Variants in ETS1 observed in about 807,000 individuals in gnomAD.
ETS1 encodes the protein protein C-ets-1.
A neutral mutation model predicts 58.6 loss-of-function variants in ETS1; 15 were observed. That is an observed-to-expected ratio of 0.26 (90% CI 0.17 to 0.39). The LOEUF (loss-of-function observed/expected upper bound fraction) is 0.39, where lower values mean the gene tolerates loss of function less well. Among genes scored for constraint, ETS1 ranks in the 10% least tolerant of loss-of-function variants. ETS1 has a pLI of 1.00. For synonymous variants in ETS1, 214 were observed against 218.2 expected (o/e 0.98, Z 0.17); for missense variants, 417 against 610.5 (o/e 0.68, Z 3.34).
intron 3 of ETS1, among the ~76,000 whole-genome samples, chr11:128,495,611 C>G (rs1565381066): frequency 6.6e-6 from 1 of 152,174 alleles, no homozygotes; most frequent in Admixed American, 6.5e-5. Context: ...TAAAGGCTTA[C>G]TGAAATATAT....
intron 1 of ETS1, among the ~76,000 whole-genome samples, chr11:128,577,677 C>T (rs1324216082): frequency 6.6e-6 from 1 of 152,204 alleles, no homozygotes; most frequent in Non-Finnish European, 1.5e-5. Flanking sequence ...GACTCCTGGT[C>T]TTCAGCCTCC....
At chr11:128,522,564 A>C (rs1029434033) in intron 3 of ETS1, 1 of 166,896 alleles carries the variant, frequency 6.0e-6, no homozygotes, top group African/African-American at 2.4e-5. Flanking sequence ...ACCGCGGAGG[A>C]GCAGTGCGTG....
intron 3 of ETS1, among the ~76,000 whole-genome samples, chr11:128,523,001 A>ATGAGCTTCCG (rs1162802781): frequency 1.4e-5 from 2 of 146,234 alleles, no homozygotes; most frequent in African/African-American, 4.9e-5. Context: ...GAACCCAGCC[A>ATGAGCTTCCG]TGAGCTTCCG....
At chr11:128,526,911 G>A in intron 3 of ETS1, 1 of 456,216 alleles carries the variant, frequency 2.2e-6, no homozygotes, top group South Asian at 1.5e-5. Context: ...GAGTGTGAGT[G>A]AGGAAATTAT....
chr11:128,558,649 C>CAAAAAAAAAAAAAAAAAAAAAAAAAAAAA, intron 2 of ETS1, among the ~76,000 whole-genome samples: 1 of 103,442 alleles, frequency 9.7e-6, no homozygotes, highest in Non-Finnish European at 2.0e-5. Context: ...ATATCCATCC[C>CAAAAAAAAAAAAAAAAAAAAAAAAAAAAA]AAAAAAAAAA....
chr11:128,556,782 T>C (rs1864319781), intron 2 of ETS1, among the ~76,000 whole-genome samples: 1 of 152,186 alleles, frequency 6.6e-6, no homozygotes, highest in African/African-American at 2.4e-5. Flanking sequence ...AATGGTACCT[T>C]ACTCTGTAAA....
In ETS1 at chr11:128,578,320, A is replaced by G. The variant is rs553312272; in HGVS notation, c.-14-5176T>C. Among the ~76,000 whole-genome samples, 17 of 152,240 alleles carry G rather than the reference A, an allele frequency of 1.1e-4. No individual in the cohort carries two copies. In the East Asian group the frequency reaches 3.3e-3, roughly 29 times the overall value. ...GAAATCCCAAAGAGACCAGGCTTGA[A>G]TCAAGGCTGAATCCAGTTCACATCA... is the stretch of plus-strand genomic sequence containing the variant. On this transcript the variant is annotated intron_variant, in intron 1 of 9. Transcript: ENST00000392668.
intron 7 of ETS1, 46 bp downstream of exon 7, chr11:128,484,777 T>C: frequency 1.3e-6 from 2 of 1,558,980 alleles, no homozygotes; most frequent in Non-Finnish European, 1.7e-6. Flanking sequence ...CAAAGTCAGG[T>C]AATTCTTGTA....
chr11:128,466,071 C>G (rs1475945662), intron 8 of ETS1, among the ~76,000 whole-genome samples: 2 of 152,206 alleles, frequency 1.3e-5, no homozygotes, highest in South Asian at 2.1e-4. Context: ...AACTCTCTCC[C>G]CTACTTCTCA....
At chr11:128,488,747 T>C (rs1250584574) in intron 5 of ETS1, among the ~76,000 whole-genome samples, 2 of 152,232 alleles carry the variant, frequency 1.3e-5, no homozygotes, top group Non-Finnish European at 1.5e-5. Flanking sequence ...CAACATAGCG[T>C]CCTGATATAA....
chr11:128,486,436 A>T (rs767536325), intron 5 of ETS1, among the ~76,000 whole-genome samples: 35 of 152,232 alleles, frequency 2.3e-4, no homozygotes, highest in Non-Finnish European at 3.8e-4. Context: ...TTCAGCATTC[A>T]TTCTCAATGC....
At position 128,489,301 on chromosome 11, in the gene ETS1, A is replaced by G; in HGVS notation, c.524T>C (p.Ile175Thr). Residue 175 changes from isoleucine to threonine, a missense_variant, in exon 5 of 10, where the codon ATC becomes ACC. Coordinates refer to ENST00000392668, the MANE Select transcript of ETS1 (RefSeq NM_001143820.2). ...VGDILWEHLE[I>T]LQKEDVKPYQ... ...TTCCACATATTTACCTTTCTGCAGG[A>G]TCTCTAGATGTTCCCATAAGATGTC... The G allele has an allele frequency of 6.2e-7, 1 of 1,614,084 alleles. No individual in the cohort carries two copies. The highest frequency in any genetic ancestry group is 8.5e-7 in the Non-Finnish European group (1 of 1,179,962).
chr11:128,522,316 C>G (rs1565395770), intron 3 of ETS1: 2 of 1,059,312 alleles, frequency 1.9e-6, no homozygotes, highest in Non-Finnish European at 1.1e-6. Flanking sequence ...ATCTCCCGGC[C>G]GCTCTCCCTC....
chr11:128,568,787 C>T (rs1241837860), intron 2 of ETS1, among the ~76,000 whole-genome samples: 1 of 145,674 alleles, frequency 6.9e-6, no homozygotes, highest in Admixed American at 7.3e-5. Flanking sequence ...TTAATGTGAC[C>T]TCTAATTTAC....
chr11:128,481,946 G>T (rs1472032919), intron 7 of ETS1, among the ~76,000 whole-genome samples: 5 of 152,134 alleles, frequency 3.3e-5, no homozygotes, highest in Non-Finnish European at 4.4e-5. Flanking sequence ...CAGAAAGGTG[G>T]TGTCATCCGT....
At chr11:128,514,798 C>G (rs1015148892) in intron 3 of ETS1, among the ~76,000 whole-genome samples, 2 of 152,240 alleles carry the variant, frequency 1.3e-5, no homozygotes, top group African/African-American at 2.4e-5. Context: ...AGACCCAAAA[C>G]TGCCCATGGG....
chr11:128,543,234 T>C (rs1488753481), intron 3 of ETS1, among the ~76,000 whole-genome samples: 2 of 151,808 alleles, frequency 1.3e-5, no homozygotes, highest in African/African-American at 2.4e-5. Flanking sequence ...TATTTTTTTA[T>C]AATAATTTAT....
At position 128,484,538 on chromosome 11, in the gene ETS1, T is replaced by G. The variant is rs149638825; in HGVS notation, c.862+285A>C. On this transcript the variant is annotated intron_variant, in intron 7 of 9. Coordinates refer to ENST00000392668, the MANE Select transcript of ETS1 (RefSeq NM_001143820.2). ...ACCTTTCAAAATGACCAAATTCAAC[T>G]AGAGTTATTGAGTAAAACATTTTGC... Among the ~76,000 whole-genome samples, 29 of 152,280 alleles carry G rather than the reference T, an allele frequency of 1.9e-4. 1 individual carries two copies. The East Asian group carries it at 5.6e-3, about 29-fold the overall frequency.
chr11:128,562,638 C>T (rs1864421818), intron 2 of ETS1, among the ~76,000 whole-genome samples: 1 of 152,154 alleles, frequency 6.6e-6, no homozygotes, highest in South Asian at 2.1e-4. Context: ...AATGAAGCCC[C>T]GGAAGCCTGG....
Sources: gnomAD v4.1 joint callset for allele counts (sites outside exome capture counted in the v4.1 genomes callset) on GRCh38, gnomAD v4.1.1 for gene constraint, MANE v1.5 for transcripts, NCBI Gene and HGNC (gene_info 2026-07-23, HGNC 2026-07-21) for gene names.